The following SLC5A10 variants were observed in gnomAD, a reference collection of about 807,000 sequenced individuals.
SLC5A10 encodes the protein sodium/mannose cotransporter SLC5A10.
SLC5A10 carries 55 observed loss-of-function variants against 68.9 expected under a neutral mutation model. That is an observed-to-expected ratio of 0.80 (90% CI 0.64 to 1.00). SLC5A10 has a LOEUF of 1.00. SLC5A10 is among the 50% of genes least tolerant of loss of function. The probability of loss-of-function intolerance (pLI) is 0.00; values close to 1 mark genes in which losing one functional copy is unlikely to be tolerated. For synonymous variants in SLC5A10, 344 were observed against 344.8 expected, an observed-to-expected ratio of 1.00 and a Z score of 0.02; for missense variants, 732 against 819.3, an observed-to-expected ratio of 0.89 and a Z score of 1.30.
chr17:18,986,250 G>C (rs1186697945), intron 9 of SLC5A10: 1 of 152,244 alleles, frequency 6.6e-6, no homozygotes, highest in Non-Finnish European at 1.5e-5. Flanking sequence ...GTGTGAATGA[G>C]TAGGGTGGGA....
At chr17:18,959,885 T>G (rs1343574340) in intron 4 of SLC5A10, among the ~76,000 whole-genome samples, 1 of 152,084 alleles carries the variant, frequency 6.6e-6, no homozygotes, top group Non-Finnish European at 1.5e-5. Context: ...TCAGCCTGGG[T>G]GCCGTGTTGG....
At chr17:18,999,749 G>A (rs549416489) in intron 9 of SLC5A10, among the ~76,000 whole-genome samples, 97 of 152,352 alleles carry the variant, frequency 6.4e-4, no homozygotes, top group African/African-American at 2.3e-3. Context: ...ACCTGGGTTC[G>A]ACTTTATTTC....
intron 9 of SLC5A10, among the ~76,000 whole-genome samples, chr17:19,011,610 G>A (rs2044015070): frequency 6.6e-6 from 1 of 152,040 alleles, no homozygotes; most frequent in African/African-American, 2.4e-5. Flanking sequence ...CTGGGGAGGA[G>A]CATGGGATTG....
Position 19,021,708 on chromosome 17 carries a change from T to A in SLC5A10, c.*1277T>A, listed in dbSNP as rs1366093508. ...CCTCCACAGACTCCGCCCTGTGGTG[T>A]CACACAGCTGGCAGCCAATGGAAAG... On this transcript the variant is annotated 3_prime_UTR_variant, in exon 15 of 15. Coordinates refer to ENST00000395645, the MANE Select transcript of SLC5A10 (RefSeq NM_001042450.4). The surrounding 1 kb of genome is among the most constrained non-coding windows in gnomAD (Gnocchi z 4.1). 2.5e-6 allele frequency: 1 copy of A among 404,710 alleles called. No homozygotes were observed. Among genetic ancestry groups the A allele is most frequent in the Non-Finnish European group, 4.3e-6 (1 of 230,182 alleles). The allele number at this position is 404,710 out of a possible 1,614,324, so 25.1% of individuals were successfully genotyped here.
rs763664911 is a variant in SLC5A10 at position 18,971,703 on chromosome 17, C to T, written c.846+485C>T. ...GGGGGTCCTGGGAAGCCGTCTTTAT[C>T]CCTAGTCCCTGAGGCAGGGACCCTG... On this transcript the variant is annotated intron_variant, in intron 8 of 14. Transcript: ENST00000395645. The surrounding 1 kb of genome is among the most constrained non-coding windows in gnomAD (Gnocchi z 5.5). 1.2e-6 allele frequency: 2 copies of T among 1,602,056 alleles called. No individual in the cohort carries two copies. The highest frequency in any genetic ancestry group is 1.7e-6 in the Non-Finnish European group (2 of 1,172,290).
chr17:19,006,086 C>A (rs139243673), intron 9 of SLC5A10, among the ~76,000 whole-genome samples: 1 of 152,184 alleles, frequency 6.6e-6, no homozygotes, highest in South Asian at 2.1e-4. Context: ...TCCACCACCC[C>A]AACACTTCTG....
At chr17:18,962,491 G>A (rs2042630380) in intron 5 of SLC5A10, among the ~76,000 whole-genome samples, 1 of 152,156 alleles carries the variant, frequency 6.6e-6, no homozygotes, top group Non-Finnish European at 1.5e-5. Context: ...GCAAACCAGA[G>A]AACGTGCCCC....
In SLC5A10 at chr17:19,019,735, C is replaced by T; in HGVS notation, c.1433C>T (p.Ala478Val). 1 of 1,611,680 alleles carries T rather than the reference C, an allele frequency of 6.2e-7. No individual in the cohort carries two copies. Among genetic ancestry groups the T allele is most frequent in the Non-Finnish European group, 8.5e-7 (1 of 1,179,666 alleles). The part of the protein sequence containing the change: ...NEQGAFWGLI[A>V]GLVVGATRLV... Reference sequence around the variant, plus strand: ...CAGGGGGCCTTCTGGGGCCTGATAGCAGGGCTGGTGGTGGGGGCCACGAGG... The same window carrying T: ...CAGGGGGCCTTCTGGGGCCTGATAGTAGGGCTGGTGGTGGGGGCCACGAGG... Residue 478 changes from alanine to valine, a missense_variant, in exon 13 of 15, where the codon GCA becomes GTA. Coordinates refer to ENST00000395645, the MANE Select transcript of SLC5A10 (RefSeq NM_001042450.4).
At position 19,003,601 on chromosome 17, in the gene SLC5A10, A is replaced by T; in HGVS notation, c.983-9809A>T. The T allele has an allele frequency of 6.2e-7, 1 of 1,610,950 alleles. No homozygotes were observed. Among genetic ancestry groups the T allele is most frequent in the Non-Finnish European group, 8.5e-7 (1 of 1,178,752 alleles). On this transcript the variant is annotated intron_variant, in intron 9 of 14. Transcript: ENST00000395645. This position sits in a 1 kb window ranked among gnomAD's most constrained non-coding sequence, Gnocchi z 4.5. ...CTATGGGGGGCTGCATGTAGACGCT[A>T]GCCCGGGTCACGCCGCGGTAGGCGA...
rs1176935676 is a variant in SLC5A10, at chr17:18,984,332, CA to C, written c.982+7365del. Among the ~76,000 whole-genome samples the C allele has an allele frequency of 4.9e-3, 332 of 68,010 alleles. 3 individuals carry two copies. The highest frequency in any genetic ancestry group is 8.3e-3 in the Middle Eastern group (1 of 120). The allele number at this position is 68,010 out of a possible 152,430, so 44.6% of individuals were successfully genotyped here. ...TGGGCGACAGAGCAAGACTCCCTCT[CA>C]AAAAAAAAAAAAAAAAAAAAAGAGA... On this transcript the variant is annotated intron_variant, in intron 9 of 14. Coordinates refer to ENST00000395645, the MANE Select transcript of SLC5A10 (RefSeq NM_001042450.4).
Position 18,968,919 on chromosome 17 carries a change from G to A in SLC5A10, c.454-133G>A. 1.4e-6 allele frequency: 1 copy of A among 734,374 alleles called. No homozygotes were observed. The highest frequency in any genetic ancestry group is 2.2e-6 in the Non-Finnish European group (1 of 459,710). 45.5% of individuals were successfully genotyped at this position (734,374 alleles called of 1,614,324 possible). A position where few individuals can be genotyped will look rare whatever the true frequency, so the allele number is the denominator to read the frequency against. ...AATGGCCCCGTGATGCAGGCAGGCA[G>A]GCGAGTGGGGGTCTCCCCTCCTTAT... is the stretch of plus-strand genomic sequence containing the variant. On this transcript the variant is annotated intron_variant, in intron 5 of 14. Coordinates refer to ENST00000395645, the MANE Select transcript of SLC5A10 (RefSeq NM_001042450.4). This position sits in a 1 kb window ranked among gnomAD's most constrained non-coding sequence, Gnocchi z 4.1.
At chr17:18,963,517 G>C (rs1321293659) in intron 5 of SLC5A10, among the ~76,000 whole-genome samples, 2 of 152,284 alleles carry the variant, frequency 1.3e-5, no homozygotes, top group Non-Finnish European at 1.5e-5. Flanking sequence ...GAAGCTTGAG[G>C]AATGCTAATT....
chr17:19,021,572 A>T lies in SLC5A10; in HGVS notation c.*1141A>T. On this transcript the variant is annotated 3_prime_UTR_variant, in exon 15 of 15. Coordinates refer to ENST00000395645, the MANE Select transcript of SLC5A10 (RefSeq NM_001042450.4). This position sits in a 1 kb window ranked among gnomAD's most constrained non-coding sequence, Gnocchi z 4.1. ...CCCAGTGGGTGGTCAGCCCAAGGTG[A>T]ACCCACCCACCATGGCCAGGGTTCC... 1 of 366,884 alleles carries T rather than the reference A, an allele frequency of 2.7e-6. No homozygotes were observed. The highest frequency in any genetic ancestry group is 3.9e-5 in the East Asian group (1 of 25,416). 22.7% of individuals were successfully genotyped at this position (366,884 alleles called of 1,614,324 possible).
At chr17:18,978,753 G>A in intron 9 of SLC5A10, 1 of 1,613,000 alleles carries the variant, frequency 6.2e-7, no homozygotes, top group South Asian at 1.1e-5. Context: ...TGTGACATGA[G>A]GTACAGCTCC....
chr17:18,998,797 C>T (rs1390417510), intron 9 of SLC5A10, among the ~76,000 whole-genome samples: 2 of 152,246 alleles, frequency 1.3e-5, no homozygotes, highest in African/African-American at 4.8e-5. Flanking sequence ...GTGCGCCCCA[C>T]AAGGTGTCAA....
chr17:19,017,696 T>G lies in SLC5A10; in HGVS notation c.1242-1727T>G. The G allele has an allele frequency of 2.9e-6, 1 of 340,384 alleles. No individual in the cohort carries two copies. Among genetic ancestry groups the G allele is most frequent in the Non-Finnish European group, 5.5e-6 (1 of 180,750 alleles). The allele number at this position is 340,384 out of a possible 1,614,324, so 21.1% of individuals were successfully genotyped here. A position where few individuals can be genotyped will look rare whatever the true frequency, so the allele number is the denominator to read the frequency against. On this transcript the variant is annotated intron_variant, in intron 11 of 14. Transcript: ENST00000395645. This position sits in a 1 kb window ranked among gnomAD's most constrained non-coding sequence, Gnocchi z 5.6. Reference sequence around the variant, plus strand: ...TCTGTGTTCCCGGCTGTTCAGTCCGTAAATGGGGCCCACAGCCTCCTGGAA... The same window carrying G: ...TCTGTGTTCCCGGCTGTTCAGTCCGGAAATGGGGCCCACAGCCTCCTGGAA...
chr17:19,017,370 T>TA lies in SLC5A10; in HGVS notation c.1242-2052dup, dbSNP rs1343567966. ...ACACCACCATTGGAGCGGTATCTCCTAGGCCTCGTGGTCATGGATCTCTGG... is the reference window on the plus strand; with the variant it reads ...ACACCACCATTGGAGCGGTATCTCCTAAGGCCTCGTGGTCATGGATCTCTGG... On this transcript the variant is annotated intron_variant, in intron 11 of 14. Coordinates refer to ENST00000395645, the MANE Select transcript of SLC5A10 (RefSeq NM_001042450.4). The surrounding 1 kb of genome is among the most constrained non-coding windows in gnomAD (Gnocchi z 5.6). 24 of 1,551,716 alleles carry TA rather than the reference T, an allele frequency of 1.5e-5. 1 individual carries two copies. The highest frequency in any genetic ancestry group is 2.0e-5 in the Non-Finnish European group (23 of 1,146,998).
At chr17:18,965,088 A>T (rs527600648) in intron 5 of SLC5A10, among the ~76,000 whole-genome samples, 144 of 122,634 alleles carry the variant, frequency 1.2e-3, no homozygotes, top group South Asian at 7.7e-3. Flanking sequence ...AGGTTTTTTT[A>T]AAAAAAAAAA....
intron 1 of SLC5A10, among the ~76,000 whole-genome samples, chr17:18,954,870 A>C (rs1025528405): frequency 7.9e-5 from 12 of 152,042 alleles, no homozygotes; most frequent in African/African-American, 2.9e-4. Context: ...CAGGAGTTTG[A>C]GACCAGCCTG....
Sources: allele counts gnomAD v4.1 joint callset (sites outside exome capture counted in the v4.1 genomes callset), GRCh38; gene constraint gnomAD v4.1.1; non-coding constraint Gnocchi (gnomAD v3.1); transcripts MANE v1.5; gene names NCBI Gene and HGNC (gene_info 2026-07-23, HGNC 2026-07-21).